ADAM2: variants seen among roughly 807,000 people sequenced by gnomAD.
ADAM2 encodes ADAM metallopeptidase domain 2, also known as disintegrin and metalloproteinase domain-containing protein 2.
Under a neutral mutation model 99.3 loss-of-function variants are expected in ADAM2, and 101 were observed. The observed-to-expected ratio is 1.02, with a 90% CI of 0.87 to 1.20. ADAM2 has a LOEUF of 1.20. ADAM2 is among the 50% of genes most tolerant of loss of function. The pLI, the probability that ADAM2 is intolerant of heterozygous loss-of-function variation, is 0.00. For synonymous variants in ADAM2, 323 were observed against 287.6 expected, an observed-to-expected ratio of 1.12 and a Z score of -1.25; for missense variants, 948 against 878.7, an observed-to-expected ratio of 1.08 and a Z score of -1.00.
At chr8:39,822,838 G>A (rs183865522) in intron 4 of ADAM2, among the ~76,000 whole-genome samples, 9 of 151,698 alleles carry the variant, frequency 5.9e-5, no homozygotes, top group East Asian at 1.9e-4. Flanking sequence ...GCGTGATCTC[G>A]GCTCACTGCA....
intron 2 of ADAM2, among the ~76,000 whole-genome samples, chr8:39,836,393 G>A (rs1805824303): frequency 6.6e-6 from 1 of 151,868 alleles, no homozygotes; most frequent in African/African-American, 2.4e-5. Flanking sequence ...TAAATGATTT[G>A]TTTTAGTAAT....
At chr8:39,819,801 T>C (rs1017376001) in intron 6 of ADAM2, among the ~76,000 whole-genome samples, 19 of 152,064 alleles carry the variant, frequency 1.2e-4, no homozygotes, top group Admixed American at 1.2e-3. Flanking sequence ...TCTCTCCCTC[T>C]CTCTGTATGT....
At position 39,806,488 on chromosome 8, in the gene ADAM2, T is replaced by C. The variant is rs559465857; in HGVS notation, c.570+2922A>G. Among the ~76,000 whole-genome samples, 6 of 148,156 alleles carry C rather than the reference T, an allele frequency of 4.0e-5. No individual in the cohort carries two copies. The South Asian group carries it at 1.0e-3, about 26-fold the overall frequency. ...AAAAAAAGTTATATATAATATATTA[T>C]AAATATTATATTATTTGTAATATTA... On this transcript the variant is annotated intron_variant, in intron 7 of 20. Coordinates refer to ENST00000265708, the MANE Select transcript of ADAM2 (RefSeq NM_001464.5).
At chr8:39,784,820 T>G (rs1803390849) in intron 10 of ADAM2, among the ~76,000 whole-genome samples, 2 of 152,234 alleles carry the variant, frequency 1.3e-5, no homozygotes, top group African/African-American at 4.8e-5. Context: ...GAGCATTTTC[T>G]TCATATGTTG....
At chr8:39,808,250 A>G (rs1219117673) in intron 7 of ADAM2, among the ~76,000 whole-genome samples, 1 of 151,854 alleles carries the variant, frequency 6.6e-6, no homozygotes, top group Non-Finnish European at 1.5e-5. Flanking sequence ...TTTTTTGCAA[A>G]AATCACAAGA....
intron 6 of ADAM2, among the ~76,000 whole-genome samples, chr8:39,818,603 T>A (rs1284635393): frequency 1.3e-5 from 2 of 152,134 alleles, no homozygotes; most frequent in Non-Finnish European, 2.9e-5. Flanking sequence ...AAAGGAAATT[T>A]GAGATATCCT....
intron 8 of ADAM2, 36 bp downstream of exon 8, chr8:39,788,633 C>T (rs759522648): frequency 8.9e-6 from 13 of 1,456,630 alleles, no homozygotes; most frequent in South Asian, 2.6e-5. Flanking sequence ...TTTAGTAACA[C>T]AAGAAGTGCA....
At chr8:39,826,948 AC>A (rs1462692102) in intron 3 of ADAM2, among the ~76,000 whole-genome samples, 2 of 152,098 alleles carry the variant, frequency 1.3e-5, no homozygotes, top group African/African-American at 4.8e-5. Context: ...AGGAAACACC[AC>A]CACAAAGAGA....
At position 39,826,217 on chromosome 8, in the gene ADAM2, G is replaced by C. The variant is rs529815486; in HGVS notation, c.189-1320C>G. Among the ~76,000 whole-genome samples, 4 of 152,196 alleles carry C rather than the reference G, an allele frequency of 2.6e-5. No homozygotes were observed. In the East Asian group the frequency reaches 7.7e-4, roughly 29 times the overall value. ...CTGTATAGCCATAGTAACCAAAAGA[G>C]CATAGTACTGGTATAAAAATAGATA... On this transcript the variant is annotated intron_variant, in intron 3 of 20. Transcript: ENST00000265708.
chr8:39,810,024 G>A (rs995079074), intron 6 of ADAM2, among the ~76,000 whole-genome samples: 1 of 152,106 alleles, frequency 6.6e-6, no homozygotes, highest in Non-Finnish European at 1.5e-5. Context: ...TCAGTGTGCT[G>A]TATTCAGGAG....
intron 6 of ADAM2, among the ~76,000 whole-genome samples, chr8:39,813,496 G>T (rs969671731): frequency 2.6e-5 from 4 of 152,060 alleles, no homozygotes; most frequent in Non-Finnish European, 4.4e-5. Context: ...CACTATTCAC[G>T]ATAGCAAAGA....
chr8:39,746,266 A>G (rs889618603), intron 19 of ADAM2, among the ~76,000 whole-genome samples: 9 of 152,016 alleles, frequency 5.9e-5, no homozygotes, highest in Non-Finnish European at 1.0e-4. Flanking sequence ...GCTTTAAGTG[A>G]TCCACTCGCC....
chr8:39,746,574 A>C lies in ADAM2; in HGVS notation c.2072T>G (p.Leu691Ter). 6.2e-7 allele frequency: 1 copy of C among 1,607,926 alleles called. No homozygotes were observed. The highest frequency in any genetic ancestry group is 1.3e-5 in the African/African-American group (1 of 74,590). Residue 691 changes from leucine to a stop codon, truncating the protein, a stop_gained, in exon 19 of 21, where the codon TTA becomes TGA. Coordinates refer to ENST00000265708, the MANE Select transcript of ADAM2 (RefSeq NM_001464.5). LOFTEE classifies it high-confidence loss of function. ...GAAAATAATAAAGAAAGGAATGAAT[A>C]AGAAAAATGGCCATCTCATTGGTTT... Reference protein sequence around the residue: ...HSKPMRWPFFLFIPFFIIFCV... With the variant: ...HSKPMRWPFF
chr8:39,837,346 T>A, intron 1 of ADAM2, 134 bp from the exon 2 acceptor site: 1 of 567,430 alleles, frequency 1.8e-6, no homozygotes, highest in Non-Finnish European at 2.9e-6. Context: ...CATTTCTTTC[T>A]AAAAATACAA....
At chr8:39,746,979 C>T (rs1823494420) in intron 18 of ADAM2, among the ~76,000 whole-genome samples, 1 of 152,054 alleles carries the variant, frequency 6.6e-6, no homozygotes, top group Admixed American at 6.6e-5. Flanking sequence ...CAGGAACTTC[C>T]CCACCACTGT....
chr8:39,764,881 G>A (rs1322456380), intron 14 of ADAM2, among the ~76,000 whole-genome samples: 2 of 151,958 alleles, frequency 1.3e-5, no homozygotes, highest in African/African-American at 4.8e-5. Flanking sequence ...CGGGTGTGGT[G>A]GTGTGTGCAT....
chr8:39,769,287 A>G (rs1802684941), intron 12 of ADAM2, 105 bp downstream of exon 12: 8 of 832,024 alleles, frequency 9.6e-6, no homozygotes, highest in Non-Finnish European at 1.5e-5. Context: ...AATCATTTGC[A>G]GAAAATTTAG....
intron 15 of ADAM2, among the ~76,000 whole-genome samples, chr8:39,759,910 A>G (rs1802284677): frequency 6.6e-6 from 1 of 152,178 alleles, no homozygotes; most frequent in Non-Finnish European, 1.5e-5. Flanking sequence ...TCTGTCGCCC[A>G]GGCTGGACTG....
chr8:39,783,233 T>G (rs1402630783), intron 10 of ADAM2, among the ~76,000 whole-genome samples: 1 of 152,196 alleles, frequency 6.6e-6, no homozygotes, highest in Non-Finnish European at 1.5e-5. Context: ...ACTGCTTTAT[T>G]TCTCACCATA....
Sources: gnomAD v4.1 joint callset for allele counts (sites outside exome capture counted in the v4.1 genomes callset) on GRCh38, gnomAD v4.1.1 for gene constraint, MANE v1.5 for transcripts, NCBI Gene and HGNC (gene_info 2026-07-23, HGNC 2026-07-21) for gene names.